DNAH8: variants seen among roughly 807,000 people sequenced by gnomAD.
DNAH8 encodes the protein dynein axonemal heavy chain 8, also known as axonemal beta dynein heavy chain 8.
A neutral mutation model predicts 562.1 loss-of-function variants in DNAH8; 382 were observed. That is an observed-to-expected ratio of 0.68 (90% CI 0.63 to 0.74). The LOEUF is 0.74. Ranked by LOEUF, DNAH8 falls within the 30% of genes least tolerant of loss-of-function variation. The probability of loss-of-function intolerance (pLI) is 0.00; values close to 1 mark genes in which losing one functional copy is unlikely to be tolerated. For missense variants in DNAH8, 5,203 were observed against 5,620.4 expected (o/e 0.93, Z 2.37); for synonymous variants, 1,881 against 1,919.4 (o/e 0.98, Z 0.52).
intron 60 of DNAH8, among the ~76,000 whole-genome samples, chr6:38,896,910 C>T (rs902890536): frequency 1.2e-4 from 19 of 152,132 alleles, no homozygotes; most frequent in East Asian, 3.9e-4. Context: ...CTCAGCCTCC[C>T]GAGTAGCTGG....
intron 33 of DNAH8, among the ~76,000 whole-genome samples, chr6:38,841,641 T>C (rs1441237128): frequency 6.6e-6 from 1 of 152,204 alleles, no homozygotes; most frequent in African/African-American, 2.4e-5. Flanking sequence ...GTCAATTTGG[T>C]GTTTTACACA....
chr6:38,780,032 G>C lies in DNAH8; in HGVS notation c.2106G>C (p.Gln702His), dbSNP rs1406549027. The C allele has an allele frequency of 1.9e-6, 3 of 1,614,000 alleles. No homozygotes were observed. In the South Asian group the frequency reaches 3.3e-5, roughly 18 times the overall value. The change falls in exon 15 of 93, where the codon CAG becomes CAC. Residue 702 changes from glutamine to histidine, a missense_variant. By Grantham distance (24) the Gln-to-His change is conservative. Coordinates refer to ENST00000327475, the MANE Select transcript of DNAH8 (RefSeq NM_001206927.2). ...ACCACACAATAGAGCGTATTCTTCA[G>C]TACTATGTGGCTGAACTTGATGCTA... ...EINHTIERIL[Q>H]YYVAELDATK...
intron 91 of DNAH8, among the ~76,000 whole-genome samples, chr6:39,021,121 A>ATGCT (rs1766890920): frequency 6.6e-6 from 1 of 152,188 alleles, no homozygotes; most frequent in Admixed American, 6.5e-5. Flanking sequence ...CTGCGGAGAA[A>ATGCT]TAGGAATGCT....
At chr6:38,793,487 CT>C (rs1769945662) in intron 21 of DNAH8, among the ~76,000 whole-genome samples, 2 of 152,044 alleles carry the variant, frequency 1.3e-5, no homozygotes, top group Non-Finnish European at 2.9e-5. Context: ...TCAGATGTGT[CT>C]TTTTCCATTT....
At chr6:39,027,877 G>A (rs1410906277) in intron 92 of DNAH8, among the ~76,000 whole-genome samples, 1 of 152,148 alleles carries the variant, frequency 6.6e-6, no homozygotes, top group African/African-American at 2.4e-5. Context: ...AGATTTAAAT[G>A]TGATCATTTA....
chr6:38,819,308 G>T (rs966235029), intron 26 of DNAH8, among the ~76,000 whole-genome samples: 1 of 152,208 alleles, frequency 6.6e-6, no homozygotes, highest in Non-Finnish European at 1.5e-5. Context: ...GCCTCTGGGG[G>T]TAAGGGCAGG....
At chr6:38,924,624 C>T (rs959133116) in intron 73 of DNAH8, among the ~76,000 whole-genome samples, 2 of 152,056 alleles carry the variant, frequency 1.3e-5, no homozygotes, top group Non-Finnish European at 2.9e-5. Flanking sequence ...TGTTTCTTTG[C>T]GTTTTAAGTA....
intron 77 of DNAH8, among the ~76,000 whole-genome samples, chr6:38,936,084 C>T (rs1782938867): frequency 6.6e-6 from 1 of 150,536 alleles, no homozygotes; most frequent in African/African-American, 2.5e-5. Context: ...CGTGGTGGCT[C>T]ATGCTTCTAA....
intron 8 of DNAH8, among the ~76,000 whole-genome samples, chr6:38,745,904 G>C (rs558666187): frequency 6.6e-6 from 1 of 152,116 alleles, no homozygotes; most frequent in African/African-American, 2.4e-5. Flanking sequence ...CTTACCAGGC[G>C]GTCCATTATA....
intron 10 of DNAH8, among the ~76,000 whole-genome samples, chr6:38,760,678 T>A (rs1485114165): frequency 1.3e-5 from 2 of 151,934 alleles, no homozygotes; most frequent in Non-Finnish European, 1.5e-5. Context: ...GCCATGGGGG[T>A]GGATCCCTCA....
chr6:38,827,122 C>T (rs1019188680), intron 29 of DNAH8, among the ~76,000 whole-genome samples: 1 of 152,118 alleles, frequency 6.6e-6, no homozygotes, highest in African/African-American at 2.4e-5. Context: ...CTAGTGATGC[C>T]ATCACTTCTA....
At chr6:38,845,366 T>C (rs1239677620) in intron 35 of DNAH8, among the ~76,000 whole-genome samples, 1 of 152,198 alleles carries the variant, frequency 6.6e-6, no homozygotes, top group Non-Finnish European at 1.5e-5. Context: ...GAAAAATAAT[T>C]AGTAGTCGGC....
Position 38,770,412 on chromosome 6 carries a change from G to A in DNAH8, c.1618-1G>A, listed in dbSNP as rs780059478. On this transcript the variant is annotated splice_acceptor_variant, in intron 11 of 92. Coordinates refer to ENST00000327475, the MANE Select transcript of DNAH8 (RefSeq NM_001206927.2). LOFTEE classifies it high-confidence loss of function. ...CCCTATTTCTTTTACTTTTCTCATAGGACTGCATTTTTCTATTCAAGGAAT... is the reference window on the plus strand; with the variant it reads ...CCCTATTTCTTTTACTTTTCTCATAAGACTGCATTTTTCTATTCAAGGAAT... 4 of 1,565,240 alleles carry A rather than the reference G, an allele frequency of 2.6e-6. No homozygotes were observed. The highest frequency in any genetic ancestry group is 2.0e-5 in the Admixed American group (1 of 50,794).
intron 22 of DNAH8, among the ~76,000 whole-genome samples, chr6:38,803,854 G>T (rs1425071676): frequency 6.6e-6 from 1 of 151,600 alleles, no homozygotes; most frequent in African/African-American, 2.4e-5. Flanking sequence ...CAGATAAATG[G>T]TACCCAGTTG....
At chr6:38,922,814 A>T (rs1031975152) in intron 71 of DNAH8, among the ~76,000 whole-genome samples, 2 of 152,354 alleles carry the variant, frequency 1.3e-5, no homozygotes, top group East Asian at 1.9e-4. Flanking sequence ...TGATTAAAAG[A>T]TAAATTATGT....
chr6:38,811,935 G>T (rs1000137182), intron 24 of DNAH8, among the ~76,000 whole-genome samples: 23 of 152,112 alleles, frequency 1.5e-4, no homozygotes, highest in African/African-American at 5.3e-4. Context: ...TTTGGCTAGG[G>T]AGCACACGGG....
rs1782313359 is a variant in DNAH8 at position 38,928,831 on chromosome 6, A to G, written c.11119-680A>G. ...GGATCCTAGGTGAAGTAAGGGTTCA[A>G]ATCCAATTGGCTCATGCAGAGATGA... On this transcript the variant is annotated intron_variant, in intron 74 of 92. Coordinates refer to ENST00000327475, the MANE Select transcript of DNAH8 (RefSeq NM_001206927.2). 2.6e-5 allele frequency among the ~76,000 whole-genome samples: 4 copies of G among 152,182 alleles called. No individual in the cohort carries two copies. In the South Asian group the frequency reaches 8.3e-4, roughly 31 times the overall value.
intron 89 of DNAH8, among the ~76,000 whole-genome samples, chr6:39,011,176 A>T (rs984382562): frequency 2.0e-5 from 3 of 152,146 alleles, no homozygotes; most frequent in African/African-American, 7.2e-5. Context: ...CAATTGCAGT[A>T]AACAGAGGTG....
Position 38,780,067 on chromosome 6 carries a change from CA to C in DNAH8, c.2139+4del. On this transcript the variant is annotated splice_donor_region_variant and intron_variant, in intron 15 of 92. Coordinates refer to ENST00000327475, the MANE Select transcript of DNAH8 (RefSeq NM_001206927.2). ...GCTGAACTTGATGCTACTAAGAAGG[CA>C]AGTGTCATGTTTATAAATAAAATGG... is the stretch of plus-strand genomic sequence containing the variant. 6.2e-7 allele frequency: 1 copy of C among 1,612,206 alleles called. No individual in the cohort carries two copies. Among genetic ancestry groups the C allele is most frequent in the Non-Finnish European group, 8.5e-7 (1 of 1,178,768 alleles).
Sources: gnomAD v4.1 joint callset for allele counts (sites outside exome capture counted in the v4.1 genomes callset) on GRCh38, gnomAD v4.1.1 for gene constraint, MANE v1.5 for transcripts, NCBI Gene and HGNC (gene_info 2026-07-23, HGNC 2026-07-21) for gene names.